The following SORCS2 variants were observed in gnomAD, a reference collection of about 807,000 sequenced individuals.
SORCS2 encodes VPS10 domain-containing receptor SorCS2.
In SORCS2, 100 loss-of-function variants were observed where a neutral mutation model predicts 141.6. The observed-to-expected ratio is 0.71, with a 90% CI of 0.60 to 0.83. SORCS2 has a LOEUF of 0.83. Among genes scored for constraint, SORCS2 ranks in the 40% least tolerant of loss-of-function variants. The pLI is 0.00. For synonymous variants in SORCS2, 789 were observed against 676.9 expected (o/e 1.17, Z -2.57); for missense variants, 1,646 against 1,560.2 (o/e 1.05, Z -0.93).
In SORCS2 at chr4:7,729,656, T is replaced by A. The variant is rs1384042728; in HGVS notation, c.3052T>A (p.Tyr1018Asn). The A allele has an allele frequency of 1.2e-6, 2 of 1,606,300 alleles. No individual in the cohort carries two copies. The highest frequency in any genetic ancestry group is 1.7e-6 in the Non-Finnish European group (2 of 1,176,756). The change falls in exon 23 of 27, where the codon TAC (tyrosine) becomes AAC (asparagine). Residue 1018 changes from tyrosine (Y) to asparagine (N), a missense_variant. Physicochemically the swap from Tyr to Asn is moderately radical, Grantham distance 143 (BLOSUM62 -2). Coordinates refer to ENST00000507866, the MANE Select transcript of SORCS2 (RefSeq NM_020777.3). The part of the protein sequence containing the change: ...KPGLPTLADL[Y>N]VLLPPPRPTR... ...GGGGCTGCCCACTTTGGCCGATCTG[T>A]ACGTGCTCCTGCCCCCTCCCAGGCC...
intron 2 of SORCS2, among the ~76,000 whole-genome samples, chr4:7,416,713 T>G (rs1725705183): frequency 1.3e-5 from 1 of 75,226 alleles, no homozygotes; most frequent in Non-Finnish European, 2.8e-5. Flanking sequence ...CTCACACTTG[T>G]GCACACACTC....
chr4:7,737,882 A>G (rs1712323627), intron 26 of SORCS2, among the ~76,000 whole-genome samples: 2 of 152,326 alleles, frequency 1.3e-5, no homozygotes, highest in Admixed American at 6.5e-5. Context: ...TCAGATGGCC[A>G]GCAATTAATG....
chr4:7,459,528 C>T (rs1192408059), intron 2 of SORCS2, among the ~76,000 whole-genome samples: 2 of 152,168 alleles, frequency 1.3e-5, no homozygotes, highest in Non-Finnish European at 2.9e-5. Context: ...GATGGCCGGG[C>T]CCCATGGTGG....
intron 1 of SORCS2, among the ~76,000 whole-genome samples, chr4:7,332,810 G>C (rs3936615): frequency 0.18 from 27,546 of 152,234 alleles, 2,857 homozygotes; most frequent in African/African-American, 0.28. Flanking sequence ...CCTGGCCACT[G>C]GGGATGGGGC....
intron 1 of SORCS2, among the ~76,000 whole-genome samples, chr4:7,223,604 T>A (rs934680668): frequency 2.0e-5 from 3 of 152,194 alleles, no homozygotes; most frequent in African/African-American, 7.2e-5. Context: ...AAGTCAGGAA[T>A]GGGGCGTGTA....
chr4:7,652,411 C>A (rs963564565), intron 4 of SORCS2, among the ~76,000 whole-genome samples: 1 of 152,186 alleles, frequency 6.6e-6, no homozygotes, highest in Non-Finnish European at 1.5e-5. Context: ...CAGCTGGCCC[C>A]TTCCCTTCTC....
At chr4:7,215,623 T>C (rs555357380) in intron 1 of SORCS2, among the ~76,000 whole-genome samples, 194 of 152,322 alleles carry the variant, frequency 1.3e-3, no homozygotes, top group African/African-American at 4.5e-3. Flanking sequence ...AGAATCTTTA[T>C]GTCTAGCTCA....
At chr4:7,264,202 G>A (rs1012461025) in intron 1 of SORCS2, among the ~76,000 whole-genome samples, 3 of 152,252 alleles carry the variant, frequency 2.0e-5, no homozygotes, top group Non-Finnish European at 2.9e-5. Context: ...GCTGGGGGCA[G>A]GTTCTGGCAG....
chr4:7,620,114 G>A (rs576370808), intron 3 of SORCS2, among the ~76,000 whole-genome samples: 31 of 151,566 alleles, frequency 2.0e-4, no homozygotes, highest in African/African-American at 3.9e-4. Context: ...ACCACTGGGC[G>A]TTTCTCCTGA....
At chr4:7,549,878 G>A (rs537132719) in intron 3 of SORCS2, among the ~76,000 whole-genome samples, 1 of 152,264 alleles carries the variant, frequency 6.6e-6, no homozygotes, top group South Asian at 2.1e-4. Flanking sequence ...TGAAACACAT[G>A]AGTCCCACCC....
Position 7,359,786 on chromosome 4 carries a change from T to C in SORCS2, c.481-36502T>C, listed in dbSNP as rs181174548. Among the ~76,000 whole-genome samples the C allele has an allele frequency of 2.0e-5, 3 of 152,344 alleles. No homozygotes were observed. In the East Asian group the frequency reaches 5.8e-4, roughly 29 times the overall value. ...CAACAGGATTGAAAGTAAATAGCAC[T>C]TTAACCTGAAGAATACATATGGGCC... On this transcript the variant is annotated intron_variant, in intron 1 of 26. Coordinates refer to ENST00000507866, the MANE Select transcript of SORCS2 (RefSeq NM_020777.3).
chr4:7,550,018 G>A (rs574393583), intron 3 of SORCS2, among the ~76,000 whole-genome samples: 12 of 152,216 alleles, frequency 7.9e-5, no homozygotes, highest in South Asian at 2.1e-4. Context: ...ATCCACAGGC[G>A]GATGAACAGA....
chr4:7,373,350 A>G (rs916074537), intron 1 of SORCS2, among the ~76,000 whole-genome samples: 4 of 150,666 alleles, frequency 2.7e-5, no homozygotes, highest in Admixed American at 1.3e-4. Flanking sequence ...ATCTTTTCAT[A>G]TGCTTATTTG....
intron 1 of SORCS2, among the ~76,000 whole-genome samples, chr4:7,272,544 C>T (rs1577343753): frequency 6.6e-6 from 1 of 152,182 alleles, no homozygotes; most frequent in African/African-American, 2.4e-5. Context: ...TTAAGTGAAA[C>T]AGGCTAGGAC....
At chr4:7,526,765 G>C (rs541272322) in intron 2 of SORCS2, among the ~76,000 whole-genome samples, 14 of 152,242 alleles carry the variant, frequency 9.2e-5, no homozygotes, top group Middle Eastern at 3.4e-3. Flanking sequence ...GGTGTATGGG[G>C]ATGCTCTCAT....
At chr4:7,738,896 G>T (rs2148907388) in intron 26 of SORCS2, among the ~76,000 whole-genome samples, 1 of 152,168 alleles carries the variant, frequency 6.6e-6, no homozygotes, top group South Asian at 2.1e-4. Context: ...CCCTCACCAG[G>T]CCTGTCTGCC....
intron 2 of SORCS2, among the ~76,000 whole-genome samples, chr4:7,448,224 C>T (rs1331087684): frequency 6.6e-6 from 1 of 152,088 alleles, no homozygotes; most frequent in Admixed American, 6.5e-5. Context: ...GGAGAGTGGC[C>T]GGAGTGTGGC....
chr4:7,681,903 C>T (rs963886658), intron 9 of SORCS2, among the ~76,000 whole-genome samples: 1 of 152,206 alleles, frequency 6.6e-6, no homozygotes, highest in Non-Finnish European at 1.5e-5. Flanking sequence ...GGTGCAGAAA[C>T]AGCTTCTGGC....
intron 1 of SORCS2, among the ~76,000 whole-genome samples, chr4:7,199,946 C>A (rs1164122848): frequency 6.6e-6 from 1 of 152,048 alleles, no homozygotes; most frequent in Non-Finnish European, 1.5e-5. Flanking sequence ...GGAATGCGAG[C>A]AGGAGGGGTT....
Sources: allele counts gnomAD v4.1 joint callset (sites outside exome capture counted in the v4.1 genomes callset), GRCh38; gene constraint gnomAD v4.1.1; transcripts MANE v1.5; gene names NCBI Gene and HGNC (gene_info 2026-07-23, HGNC 2026-07-21).